The following ZFPM2 variants were observed in gnomAD, a reference collection of about 807,000 sequenced individuals.
ZFPM2 encodes zinc finger protein ZFPM2.
ZFPM2 carries 20 observed loss-of-function variants against 98.6 expected under a neutral mutation model. The observed-to-expected ratio is 0.20, with a 90% confidence interval of 0.14 to 0.29. The LOEUF (loss-of-function observed/expected upper bound fraction) is 0.29, where lower values mean the gene tolerates loss of function less well. ZFPM2 is among the 10% of genes least tolerant of loss of function. The probability of loss-of-function intolerance (pLI) is 1.00; values close to 1 mark genes in which losing one functional copy is unlikely to be tolerated. For synonymous variants in ZFPM2, 518 were observed against 502.7 expected, an observed-to-expected ratio of 1.03 and a Z score of -0.41; for missense variants, 1,310 against 1,388.6, an observed-to-expected ratio of 0.94 and a Z score of 0.90.
At chr8:105,627,914 A>T (rs1418254815) in intron 4 of ZFPM2, among the ~76,000 whole-genome samples, 1 of 152,236 alleles carries the variant, frequency 6.6e-6, no homozygotes, top group Non-Finnish European at 1.5e-5. Flanking sequence ...GACTATCACA[A>T]CCTTTCAGTT....
At chr8:105,536,606 C>G (rs1455190330) in intron 3 of ZFPM2, among the ~76,000 whole-genome samples, 1 of 151,944 alleles carries the variant, frequency 6.6e-6, no homozygotes, top group Non-Finnish European at 1.5e-5. Context: ...GTTTAAAAGA[C>G]ACATTTATGA....
chr8:105,368,808 G>C (rs1283832191), intron 1 of ZFPM2, among the ~76,000 whole-genome samples: 1 of 152,154 alleles, frequency 6.6e-6, no homozygotes, highest in Non-Finnish European at 1.5e-5. Context: ...GCCCATCAGA[G>C]TGCCTGGTGC....
At chr8:105,541,036 A>G (rs1814565137) in intron 3 of ZFPM2, among the ~76,000 whole-genome samples, 1 of 152,062 alleles carries the variant, frequency 6.6e-6, no homozygotes, top group Non-Finnish European at 1.5e-5. Flanking sequence ...GACCTGTAAG[A>G]TTCGAATTTT....
chr8:105,702,307 G>A (rs1278145464), intron 5 of ZFPM2, among the ~76,000 whole-genome samples: 1 of 152,202 alleles, frequency 6.6e-6, no homozygotes, highest in Non-Finnish European at 1.5e-5. Context: ...AGCAGCCTGT[G>A]TTAGGTCTTC....
At chr8:105,547,542 C>CAAAAAAAA (rs148322534) in intron 3 of ZFPM2, among the ~76,000 whole-genome samples, 48 of 47,162 alleles carry the variant, frequency 1.0e-3, no homozygotes, top group African/African-American at 1.5e-3. Context: ...AACTCCATCT[C>CAAAAAAAA]AAAAAAAAAA....
intron 1 of ZFPM2, among the ~76,000 whole-genome samples, chr8:105,332,098 A>T (rs904403376): frequency 4.6e-5 from 7 of 151,680 alleles, no homozygotes; most frequent in Admixed American, 4.0e-4. Context: ...TCTGTTCCGT[A>T]ATCATGCCAA....
At chr8:105,721,105 T>C (rs1233180312) in intron 5 of ZFPM2, among the ~76,000 whole-genome samples, 2 of 151,866 alleles carry the variant, frequency 1.3e-5, no homozygotes, top group Non-Finnish European at 2.9e-5. Context: ...GGGGACTGGT[T>C]CCAGGACCAC....
At chr8:105,783,735 T>A (rs1813330716) in intron 5 of ZFPM2, among the ~76,000 whole-genome samples, 1 of 152,192 alleles carries the variant, frequency 6.6e-6, no homozygotes, top group African/African-American at 2.4e-5. Flanking sequence ...CAAGGCGGAA[T>A]AATATTCAGT....
chr8:105,572,181 G>A (rs1459425222), intron 4 of ZFPM2, among the ~76,000 whole-genome samples: 2 of 151,544 alleles, frequency 1.3e-5, no homozygotes, highest in Non-Finnish European at 2.9e-5. Context: ...GGGACCACAG[G>A]TGCACGCCAC....
chr8:105,724,821 A>G (rs1811767216), intron 5 of ZFPM2, among the ~76,000 whole-genome samples: 1 of 151,828 alleles, frequency 6.6e-6, no homozygotes, highest in South Asian at 2.1e-4. Context: ...CATATATTTT[A>G]TGCATTCATG....
chr8:105,665,927 G>A (rs1396573307), intron 5 of ZFPM2, among the ~76,000 whole-genome samples: 1 of 152,050 alleles, frequency 6.6e-6, no homozygotes, highest in African/African-American at 2.4e-5. Flanking sequence ...AAACAAATTT[G>A]TACATATACA....
intron 3 of ZFPM2, among the ~76,000 whole-genome samples, chr8:105,485,635 C>G (rs1813216685): frequency 6.6e-6 from 1 of 152,064 alleles, no homozygotes; most frequent in Non-Finnish European, 1.5e-5. Flanking sequence ...TGAAAGAAGG[C>G]AGGAGAAGCA....
intron 5 of ZFPM2, among the ~76,000 whole-genome samples, chr8:105,721,749 G>A (rs1358268038): frequency 6.6e-6 from 1 of 151,880 alleles, no homozygotes; most frequent in Non-Finnish European, 1.5e-5. Context: ...TTATCAGCTA[G>A]ATAGTAACTC....
rs559001504 is a variant in ZFPM2 at position 105,689,293 on chromosome 8, T to C, written c.532+54936T>C. Among the ~76,000 whole-genome samples, 20 of 152,318 alleles carry C rather than the reference T, an allele frequency of 1.3e-4. No individual in the cohort carries two copies. In the Middle Eastern group the frequency reaches 0.014, roughly 104 times the overall value. On this transcript the variant is annotated intron_variant, in intron 5 of 7. Transcript: ENST00000407775. The stretch of plus-strand genomic sequence containing the variant: ...ATAGATGTTGATATAATTGTTAGAG[T>C]TGAAAAGGAACTGAGACTTCAGTAC...
intron 3 of ZFPM2, among the ~76,000 whole-genome samples, chr8:105,539,278 G>T (rs1486291019): frequency 6.6e-6 from 1 of 152,018 alleles, no homozygotes; most frequent in Non-Finnish European, 1.5e-5. Flanking sequence ...CACCATAAAT[G>T]GTAATACATA....
chr8:105,657,717 G>A (rs1251210010), intron 5 of ZFPM2, among the ~76,000 whole-genome samples: 1 of 152,148 alleles, frequency 6.6e-6, no homozygotes, highest in East Asian at 1.9e-4. Context: ...ATTATTACAG[G>A]TGAGGAAACT....
intron 5 of ZFPM2, among the ~76,000 whole-genome samples, chr8:105,694,686 C>T (rs1810975007): frequency 6.6e-6 from 1 of 152,094 alleles, no homozygotes; most frequent in Admixed American, 6.5e-5. Context: ...TTAGGTCCTC[C>T]TTTCCTTTTA....
At chr8:105,445,580 A>G (rs1812350849) in intron 3 of ZFPM2, among the ~76,000 whole-genome samples, 1 of 151,694 alleles carries the variant, frequency 6.6e-6, no homozygotes, top group South Asian at 2.1e-4. Flanking sequence ...TAACTTAAAA[A>G]CAGTGAGTGA....
intron 2 of ZFPM2, among the ~76,000 whole-genome samples, chr8:105,430,050 T>G (rs1811989660): frequency 6.6e-6 from 1 of 152,214 alleles, no homozygotes; most frequent in South Asian, 2.1e-4. Context: ...CGCTTCAGAA[T>G]TCTGAGGCTC....
Sources: allele counts gnomAD v4.1 joint callset (sites outside exome capture counted in the v4.1 genomes callset), GRCh38; gene constraint gnomAD v4.1.1; transcripts MANE v1.5; gene names NCBI Gene and HGNC (gene_info 2026-07-23, HGNC 2026-07-21).